Variants in ADGRL3 observed in about 807,000 individuals in gnomAD.
ADGRL3 encodes the protein calcium-independent alpha-latrotoxin receptor 3.
ADGRL3 carries 62 observed loss-of-function variants against 153.5 expected under a neutral mutation model. The ratio of observed to expected loss-of-function variants is 0.40; its 90% confidence interval spans 0.33 to 0.50. ADGRL3 has a LOEUF of 0.50. Ranked by LOEUF, ADGRL3 falls within the 20% of genes least tolerant of loss-of-function variation. ADGRL3 has a pLI of 0.47. For synonymous variants in ADGRL3, 710 were observed against 672.5 expected (o/e 1.06, Z -0.86); for missense variants, 1,641 against 1,859.4 (o/e 0.88, Z 2.16).
rs80151236 is a variant in ADGRL3 at position 61,603,946 on chromosome 4, C to T, written c.473+16506C>T. 5.0e-3 allele frequency among the ~76,000 whole-genome samples: 757 copies of T among 152,256 alleles called. 17 individuals carry two copies. The South Asian group carries it at 0.056, about 11-fold the overall frequency. On this transcript the variant is annotated intron_variant, in intron 5 of 26. Coordinates refer to ENST00000683033, the MANE Select transcript of ADGRL3 (RefSeq NM_001387552.1). ...AGAAAAAAATCAATACCTCAGTATTCATCTTGAGGCATTTAGAGTGCTGGA... is the reference window on the plus strand; with the variant it reads ...AGAAAAAAATCAATACCTCAGTATTTATCTTGAGGCATTTAGAGTGCTGGA...
intron 5 of ADGRL3, among the ~76,000 whole-genome samples, chr4:61,647,801 G>T (rs1032518298): frequency 5.9e-5 from 9 of 151,992 alleles, no homozygotes; most frequent in Admixed American, 2.6e-4. Context: ...TAGAAAACAT[G>T]CATTTATTAA....
chr4:61,577,158 G>A (rs1398829407), intron 4 of ADGRL3, among the ~76,000 whole-genome samples: 2 of 150,174 alleles, frequency 1.3e-5, no homozygotes, highest in Non-Finnish European at 3.0e-5. Context: ...AATTGTGTGT[G>A]TGTGTGTGTA....
At chr4:61,482,434 G>A (rs1051839090) in intron 2 of ADGRL3, among the ~76,000 whole-genome samples, 10 of 151,934 alleles carry the variant, frequency 6.6e-5, no homozygotes, top group East Asian at 5.8e-4. Flanking sequence ...ATTTCTAGCC[G>A]GAGCCAAATA....
intron 8 of ADGRL3, among the ~76,000 whole-genome samples, chr4:61,756,139 T>C (rs1045062563): frequency 6.6e-6 from 1 of 152,218 alleles, no homozygotes; most frequent in African/African-American, 2.4e-5. Context: ...AAAGTAGTTT[T>C]TTCCAGTTCT....
chr4:61,311,248 C>T (rs544789125), intron 1 of ADGRL3, among the ~76,000 whole-genome samples: 5 of 152,290 alleles, frequency 3.3e-5, no homozygotes, highest in African/African-American at 1.2e-4. Context: ...GGTATCTCTT[C>T]TCCAAATGGT....
At chr4:61,372,970 G>C (rs185175903) in intron 1 of ADGRL3, among the ~76,000 whole-genome samples, 1 of 152,154 alleles carries the variant, frequency 6.6e-6, no homozygotes, top group South Asian at 2.1e-4. Context: ...CGCAGTATTC[G>C]GGTGGGAGTG....
At chr4:62,031,003 A>G (rs1485192628) in intron 22 of ADGRL3, among the ~76,000 whole-genome samples, 1 of 151,580 alleles carries the variant, frequency 6.6e-6, no homozygotes, top group African/African-American at 2.4e-5. Context: ...TTTGTGGAAA[A>G]AGAGGACATT....
At chr4:62,055,692 G>A (rs1312772271) in intron 25 of ADGRL3, among the ~76,000 whole-genome samples, 1 of 151,356 alleles carries the variant, frequency 6.6e-6, no homozygotes, top group African/African-American at 2.4e-5. Flanking sequence ...TAAGTGACTT[G>A]GTATTGATTT....
At chr4:61,765,526 G>A (rs544049949) in intron 8 of ADGRL3, among the ~76,000 whole-genome samples, 80 of 152,132 alleles carry the variant, frequency 5.3e-4, no homozygotes, top group Middle Eastern at 3.4e-3. Flanking sequence ...GGATATAAAG[G>A]TTTCACTGAA....
intron 8 of ADGRL3, among the ~76,000 whole-genome samples, chr4:61,776,247 C>T (rs955658601): frequency 2.0e-5 from 3 of 152,150 alleles, no homozygotes; most frequent in Admixed American, 1.3e-4. Context: ...CTGCACGACT[C>T]GGCGGCAGCA....
chr4:61,605,503 T>C (rs2099029083), intron 5 of ADGRL3, among the ~76,000 whole-genome samples: 1 of 152,202 alleles, frequency 6.6e-6, no homozygotes, highest in Admixed American at 6.5e-5. Flanking sequence ...CAAACTCTAG[T>C]GAAGTCAGAA....
At chr4:61,803,384 G>T (rs1450902) in intron 8 of ADGRL3, among the ~76,000 whole-genome samples, 2 of 152,030 alleles carry the variant, frequency 1.3e-5, no homozygotes, top group Non-Finnish European at 2.9e-5. Flanking sequence ...GGTACATGTT[G>T]TTAGGTAAAC....
intron 8 of ADGRL3, among the ~76,000 whole-genome samples, chr4:61,774,092 CATGCTTGT>C (rs1561226532): frequency 1.3e-5 from 2 of 152,108 alleles, no homozygotes; most frequent in African/African-American, 4.8e-5. Context: ...CATGGTGCCT[CATGCTTGT>C]AATCCCAGCA....
intron 12 of ADGRL3, 30 bp from the exon 13 acceptor site, chr4:61,912,689 G>T: frequency 6.2e-7 from 1 of 1,606,176 alleles, no homozygotes; most frequent in Non-Finnish European, 8.5e-7. Context: ...TTTCTATTCT[G>T]TGTTTAATCT....
At chr4:62,041,527 A>T (rs72640032) in intron 24 of ADGRL3, among the ~76,000 whole-genome samples, 1 of 152,172 alleles carries the variant, frequency 6.6e-6, no homozygotes, top group Non-Finnish European at 1.5e-5. Flanking sequence ...CATCCAACCT[A>T]GGAAATAGAA....
chr4:61,727,236 A>G (rs2096364531), intron 6 of ADGRL3, among the ~76,000 whole-genome samples: 3 of 152,304 alleles, frequency 2.0e-5, no homozygotes, highest in Admixed American at 6.5e-5. Context: ...TCTTTTATAC[A>G]GAATAAAATT....
intron 8 of ADGRL3, among the ~76,000 whole-genome samples, chr4:61,804,806 T>G (rs1052037136): frequency 6.6e-6 from 1 of 152,138 alleles, no homozygotes; most frequent in African/African-American, 2.4e-5. Context: ...TAACACTTTT[T>G]CAGTCAAATT....
intron 2 of ADGRL3, among the ~76,000 whole-genome samples, chr4:61,493,289 T>C (rs2098276837): frequency 6.6e-6 from 1 of 152,152 alleles, no homozygotes; most frequent in Admixed American, 6.6e-5. Flanking sequence ...TTTATTCTTA[T>C]AAATTCCGTT....
rs547802561 is a variant in ADGRL3 at position 61,681,941 on chromosome 4, T to C, written c.583+5006T>C. On this transcript the variant is annotated intron_variant, in intron 6 of 26. Transcript: ENST00000683033. ...GCCTTTTTCTGCTTCATATATACAG[T>C]AGACATTCAATAAATATGTATTGAA... 2.0e-5 allele frequency among the ~76,000 whole-genome samples: 3 copies of C among 152,114 alleles called. No homozygotes were observed. The South Asian group carries it at 6.2e-4, about 32-fold the overall frequency.
Sources: gnomAD v4.1 joint callset for allele counts (sites outside exome capture counted in the v4.1 genomes callset) on GRCh38, gnomAD v4.1.1 for gene constraint, MANE v1.5 for transcripts, NCBI Gene and HGNC (gene_info 2026-07-23, HGNC 2026-07-21) for gene names.